NRBF2: variants seen among roughly 807,000 people sequenced by gnomAD.
The protein encoded by NRBF2 is nuclear receptor-binding factor 2.
A neutral mutation model predicts 28.5 loss-of-function variants in NRBF2; 12 were observed. The observed-to-expected ratio is 0.42, with a 90% confidence interval of 0.27 to 0.68. The LOEUF is 0.68. Among genes scored for constraint, NRBF2 ranks in the 30% least tolerant of loss-of-function variants. The probability of loss-of-function intolerance (pLI) is 0.24; values close to 1 mark genes in which losing one functional copy is unlikely to be tolerated. For missense variants in NRBF2, 274 were observed against 333.5 expected (o/e 0.82, Z 1.39); for synonymous variants, 102 against 116.5 (o/e 0.88, Z 0.80).
chr10:63,148,489 T>G (rs541835998), intron 2 of NRBF2, among the ~76,000 whole-genome samples: 2 of 152,326 alleles, frequency 1.3e-5, no homozygotes, highest in East Asian at 1.9e-4. Flanking sequence ...GAAATCATTT[T>G]AGAGATGTGA....
chr10:63,144,834 T>C (rs969696414), intron 1 of NRBF2, among the ~76,000 whole-genome samples: 1 of 152,216 alleles, frequency 6.6e-6, no homozygotes, highest in East Asian at 1.9e-4. Flanking sequence ...TGAATAATGC[T>C]GTTATGAATA....
chr10:63,154,160 C>G lies in NRBF2; in HGVS notation c.806C>G (p.Pro269Arg). The G allele has an allele frequency of 1.9e-6, 3 of 1,613,116 alleles. No homozygotes were observed. The highest frequency in any genetic ancestry group is 2.5e-6 in the Non-Finnish European group (3 of 1,179,258). The change falls in exon 4 of 4, where the codon CCA becomes CGA. Residue 269 changes from proline (P) to arginine (R), a missense_variant. By Grantham distance (103) the Pro-to-Arg change is moderately radical (BLOSUM62 -2). Transcript: ENST00000277746. ...CTTCCTCCCTTGGATTTTCCATCTC[C>G]AGAACTTCCTCTTATGGAGCTCTCT... ...PNLPPLDFPS[P>R]ELPLMELSED...
At chr10:63,142,158 A>C (rs530819492) in intron 1 of NRBF2, among the ~76,000 whole-genome samples, 13 of 152,338 alleles carry the variant, frequency 8.5e-5, no homozygotes, top group Admixed American at 8.5e-4. Context: ...ACAGATAGAA[A>C]AAAGGTGTTA....
Position 63,153,773 on chromosome 10 carries a change from C to T in NRBF2, c.419C>T (p.Thr140Ile), listed in dbSNP as rs756955702. Residue 140 changes from threonine to isoleucine, a missense_variant, in exon 4 of 4, where the codon ACA becomes ATA. Transcript: ENST00000277746. ...IQGIFDRDPD[T>I]LLYLLQQKSE... ...GGGATCTTTGACAGGGATCCAGACACACTACTTTATTTACTTCAGCAAAAG... is the reference window on the plus strand; with the variant it reads ...GGGATCTTTGACAGGGATCCAGACATACTACTTTATTTACTTCAGCAAAAG... The T allele has an allele frequency of 3.4e-5, 55 of 1,612,940 alleles. No individual in the cohort carries two copies. The highest frequency in any genetic ancestry group is 4.4e-5 in the Non-Finnish European group (52 of 1,179,818).
chr10:63,136,292 C>T (rs906372316), intron 1 of NRBF2, among the ~76,000 whole-genome samples: 1 of 151,940 alleles, frequency 6.6e-6, no homozygotes, highest in African/African-American at 2.4e-5. Flanking sequence ...CCACCCTGCC[C>T]GGCTATGAAA....
intron 2 of NRBF2, among the ~76,000 whole-genome samples, chr10:63,150,575 G>A (rs1434523023): frequency 2.6e-5 from 4 of 152,126 alleles, no homozygotes; most frequent in African/African-American, 7.2e-5. Context: ...ATCTAATTCA[G>A]CAGTCCCAAC....
intron 1 of NRBF2, among the ~76,000 whole-genome samples, chr10:63,145,650 CTTTGTAATATTAGATGTTGGTA>C: frequency 6.6e-6 from 1 of 152,268 alleles, no homozygotes; most frequent in Non-Finnish European, 1.5e-5. Flanking sequence ...TTAAAACAAT[CTTTGTAATATTAGATGTTGGTA>C]TCATGAATTC....
intron 1 of NRBF2, among the ~76,000 whole-genome samples, chr10:63,134,069 C>T (rs1841337218): frequency 1.3e-5 from 2 of 151,424 alleles, no homozygotes; most frequent in East Asian, 2.0e-4. Context: ...ACTGAGTCTA[C>T]CGTCTTCCAA....
chr10:63,153,647 T>C lies in NRBF2; in HGVS notation c.293T>C (p.Leu98Pro). The change falls in exon 4 of 4, where the codon CTT becomes CCT. Residue 98 changes from leucine to proline, a missense_variant. Leu to Pro is a moderately conservative substitution (Grantham distance 98). Coordinates refer to ENST00000277746, the MANE Select transcript of NRBF2 (RefSeq NM_030759.5). The stretch of plus-strand genomic sequence containing the variant: ...ACAGACAAGGATGCAGCTGCCCATC[T>C]TCAGACATCTCACAAACCCTCTGCA... ...QNTDKDAAAHLQTSHKPSAED... is the reference protein window; with the variant it reads ...QNTDKDAAAHPQTSHKPSAED... 1 of 1,611,956 alleles carries C rather than the reference T, an allele frequency of 6.2e-7. No homozygotes were observed. The highest frequency in any genetic ancestry group is 1.1e-5 in the South Asian group (1 of 90,990).
At chr10:63,136,072 A>G (rs16913004) in intron 1 of NRBF2, among the ~76,000 whole-genome samples, 5,310 of 152,012 alleles carry the variant, frequency 0.035, 285 homozygotes, top group East Asian at 0.26. Flanking sequence ...GGCCTCTGGC[A>G]CTCAGAATTG....
chr10:63,155,015 TTG>T lies in NRBF2; in HGVS notation c.*801_*802del, dbSNP rs1841713268. 6.6e-6 allele frequency: 1 copy of T among 152,280 alleles called. No homozygotes were observed. The highest frequency in any genetic ancestry group is 2.1e-4 in the South Asian group (1 of 4,830). The allele number at this position is 152,280 out of a possible 1,614,324, so 9.4% of individuals were successfully genotyped here. Reference sequence around the variant, plus strand: ...TTATTGTAAGAAATCAATAAAGTAATTGTGTTTTATACCTTTGTTGAACGTGG... The same window carrying T: ...TTATTGTAAGAAATCAATAAAGTAATTGTTTTATACCTTTGTTGAACGTGG... On this transcript the variant is annotated 3_prime_UTR_variant, in exon 4 of 4. Transcript: ENST00000277746.
At chr10:63,147,591 C>A (rs35125633) in intron 2 of NRBF2, among the ~76,000 whole-genome samples, 1 of 148,286 alleles carries the variant, frequency 6.7e-6, no homozygotes, top group African/African-American at 2.5e-5. Context: ...GGATTACAGG[C>A]GTTAGCCACT....
chr10:63,142,772 C>CT (rs1203907261), intron 1 of NRBF2, among the ~76,000 whole-genome samples: 2 of 60,216 alleles, frequency 3.3e-5, no homozygotes, highest in Non-Finnish European at 6.1e-5. Flanking sequence ...TCTTTTCTTT[C>CT]TTTCTTTCTT....
chr10:63,147,828 G>T (rs1357643533), intron 2 of NRBF2, among the ~76,000 whole-genome samples: 1 of 50,982 alleles, frequency 2.0e-5, no homozygotes, highest in Non-Finnish European at 5.5e-5. Context: ...ATCTGCTGTA[G>T]GGCCAAGCAT....
At chr10:63,150,375 A>G (rs950494293) in intron 2 of NRBF2, 2 of 982,838 alleles carry the variant, frequency 2.0e-6, no homozygotes, top group African/African-American at 3.5e-5. Flanking sequence ...AGCTGGAGCA[A>G]AGACTGTATA....
At chr10:63,149,201 C>G (rs1841608917) in intron 2 of NRBF2, among the ~76,000 whole-genome samples, 1 of 152,192 alleles carries the variant, frequency 6.6e-6, no homozygotes, top group Non-Finnish European at 1.5e-5. Context: ...ACTGCAACCT[C>G]CGCCTCCCAG....
intron 2 of NRBF2, among the ~76,000 whole-genome samples, chr10:63,148,463 A>G (rs1841597439): frequency 6.6e-6 from 1 of 152,196 alleles, no homozygotes; most frequent in South Asian, 2.1e-4. Flanking sequence ...TCTGAAAGGA[A>G]GCAACTTATT....
chr10:63,147,022 A>C (rs1161429240), intron 2 of NRBF2, among the ~76,000 whole-genome samples: 1 of 152,144 alleles, frequency 6.6e-6, no homozygotes, highest in Non-Finnish European at 1.5e-5. Context: ...GGTAAGTATA[A>C]AAATAAAAAT....
chr10:63,133,575 C>G, intron 1 of NRBF2, 75 bp downstream of exon 1: 29 of 1,145,948 alleles, frequency 2.5e-5, no homozygotes, highest in Middle Eastern at 2.0e-4. Context: ...CCCGGCGCGT[C>G]GGCTAACCCT....
Sources: gnomAD v4.1 joint callset for allele counts (sites outside exome capture counted in the v4.1 genomes callset) on GRCh38, gnomAD v4.1.1 for gene constraint, MANE v1.5 for transcripts, NCBI Gene and HGNC (gene_info 2026-07-23, HGNC 2026-07-21) for gene names.